The following GPC6 variants were observed in gnomAD, a reference collection of about 807,000 sequenced individuals.
The protein encoded by GPC6 is glypican-6.
GPC6 carries 14 observed loss-of-function variants against 55.2 expected under a neutral mutation model. The observed-to-expected ratio is 0.25, with a 90% CI of 0.17 to 0.40. The LOEUF (loss-of-function observed/expected upper bound fraction) is 0.40, where lower values mean the gene tolerates loss of function less well. Among genes scored for constraint, GPC6 ranks in the 10% least tolerant of loss-of-function variants. The probability of loss-of-function intolerance (pLI) is 1.00; values close to 1 mark genes in which losing one functional copy is unlikely to be tolerated. For missense variants in GPC6, 641 were observed against 708.5 expected (o/e 0.90, Z 1.08); for synonymous variants, 278 against 259.6 (o/e 1.07, Z -0.68).
chr13:94,104,419 A>G (rs1479306342), intron 4 of GPC6, among the ~76,000 whole-genome samples: 1 of 152,170 alleles, frequency 6.6e-6, no homozygotes, highest in Non-Finnish European at 1.5e-5. Context: ...CAAGACAGGG[A>G]TGCCCTCTCT....
intron 4 of GPC6, among the ~76,000 whole-genome samples, chr13:94,195,004 G>C (rs1188810403): frequency 6.6e-6 from 1 of 152,120 alleles, no homozygotes; most frequent in Non-Finnish European, 1.5e-5. Flanking sequence ...ATTATAGAAA[G>C]AAGTATCTAG....
chr13:93,739,770 TCTAGGTTCTAACA>T (rs1884137206), intron 2 of GPC6, among the ~76,000 whole-genome samples: 1 of 152,226 alleles, frequency 6.6e-6, no homozygotes, highest in South Asian at 2.1e-4. Context: ...CAGGCCCTTT[TCTAGGTTCTAACA>T]CTAGCGTAGG....
At chr13:94,299,913 T>A (rs1204520595) in intron 5 of GPC6, among the ~76,000 whole-genome samples, 1 of 152,192 alleles carries the variant, frequency 6.6e-6, no homozygotes, top group African/African-American at 2.4e-5. Context: ...ATATTTGAAT[T>A]TCCCAAGTAG....
At chr13:93,940,368 G>C (rs548694284) in intron 3 of GPC6, among the ~76,000 whole-genome samples, 1 of 151,706 alleles carries the variant, frequency 6.6e-6, no homozygotes, top group Admixed American at 6.6e-5. Flanking sequence ...GATCTAGTGT[G>C]GCAGAAAGGA....
intron 1 of GPC6, among the ~76,000 whole-genome samples, chr13:93,502,207 C>T (rs1416182837): frequency 2.6e-5 from 4 of 151,322 alleles, no homozygotes; most frequent in African/African-American, 9.7e-5. Flanking sequence ...AAACACAAAA[C>T]AGGACAAAAA....
intron 2 of GPC6, among the ~76,000 whole-genome samples, chr13:93,591,254 GA>G (rs1372329269): frequency 1.3e-5 from 2 of 151,866 alleles, no homozygotes; most frequent in Non-Finnish European, 2.9e-5. Flanking sequence ...ATGAGGTCAG[GA>G]TATCGAGCCC....
At chr13:94,087,014 G>C (rs1325154556) in intron 4 of GPC6, among the ~76,000 whole-genome samples, 1 of 152,104 alleles carries the variant, frequency 6.6e-6, no homozygotes, top group Non-Finnish European at 1.5e-5. Context: ...TGGAAAATTA[G>C]AGAAACTATG....
intron 1 of GPC6, among the ~76,000 whole-genome samples, chr13:93,428,877 A>C (rs1277328498): frequency 1.3e-5 from 2 of 152,178 alleles, no homozygotes. Context: ...CATTTTGGAA[A>C]TCACACATTT....
chr13:93,664,615 T>TTTTGTTTG (rs59186070), intron 2 of GPC6, among the ~76,000 whole-genome samples: 27 of 151,282 alleles, frequency 1.8e-4, no homozygotes, highest in Admixed American at 4.0e-4. Context: ...CACAAGCCAA[T>TTTTGTTTG]TTTGTTTGTT....
chr13:94,299,096 A>T (rs1875503065), intron 5 of GPC6, among the ~76,000 whole-genome samples: 1 of 152,238 alleles, frequency 6.6e-6, no homozygotes, highest in Non-Finnish European at 1.5e-5. Context: ...ACTCCTACAG[A>T]TACTGGGATA....
chr13:93,910,443 C>T (rs1207056717), intron 3 of GPC6, among the ~76,000 whole-genome samples: 2 of 151,886 alleles, frequency 1.3e-5, no homozygotes, highest in Non-Finnish European at 2.9e-5. Context: ...AGCATGAGAA[C>T]TAATACAATG....
chr13:93,798,934 A>C, intron 2 of GPC6, among the ~76,000 whole-genome samples: 1 of 151,944 alleles, frequency 6.6e-6, no homozygotes, highest in South Asian at 2.1e-4. Context: ...AAAAAAAAAA[A>C]AAATGGTGAC....
intron 1 of GPC6, among the ~76,000 whole-genome samples, chr13:93,380,418 G>A (rs1275926997): frequency 3.3e-5 from 5 of 152,136 alleles, no homozygotes; most frequent in East Asian, 1.9e-4. Flanking sequence ...GAATTGGTAA[G>A]GTCATATAAA....
intron 4 of GPC6, among the ~76,000 whole-genome samples, chr13:94,035,621 A>G (rs1883307519): frequency 6.6e-6 from 1 of 152,092 alleles, no homozygotes; most frequent in Non-Finnish European, 1.5e-5. Flanking sequence ...CATTTCGATT[A>G]CTTTAAAAGT....
intron 4 of GPC6, among the ~76,000 whole-genome samples, chr13:94,082,622 G>GC (rs1885139765): frequency 6.6e-6 from 1 of 152,082 alleles, no homozygotes; most frequent in Non-Finnish European, 1.5e-5. Context: ...CATTCCAGTG[G>GC]CCCTCAGTCA....
intron 1 of GPC6, among the ~76,000 whole-genome samples, chr13:93,262,399 T>G (rs1364690046): frequency 6.6e-6 from 1 of 152,194 alleles, no homozygotes; most frequent in Non-Finnish European, 1.5e-5. Context: ...TTAAATGTGA[T>G]GAAGGCCTAC....
chr13:94,392,560 G>GCTGGAATTAC (rs1282951386), intron 7 of GPC6, among the ~76,000 whole-genome samples: 1 of 151,750 alleles, frequency 6.6e-6, no homozygotes, highest in Non-Finnish European at 1.5e-5. Context: ...CTCCCAAGTA[G>GCTGGAATTAC]CTGGAATTAC....
At chr13:93,539,649 A>G (rs1387729755) in intron 1 of GPC6, among the ~76,000 whole-genome samples, 1 of 152,024 alleles carries the variant, frequency 6.6e-6, no homozygotes, top group Admixed American at 6.6e-5. Flanking sequence ...ATCTGTGATT[A>G]GTAAAGAAGT....
intron 6 of GPC6, among the ~76,000 whole-genome samples, chr13:94,367,384 G>A (rs66781047): frequency 0.064 from 9,762 of 152,272 alleles, 518 homozygotes; most frequent in East Asian, 0.24. Context: ...ATGTCAGACT[G>A]TGTCATCTCT....
Sources: gnomAD v4.1 joint callset for allele counts (sites outside exome capture counted in the v4.1 genomes callset) on GRCh38, gnomAD v4.1.1 for gene constraint, MANE v1.5 for transcripts, NCBI Gene and HGNC (gene_info 2026-07-23, HGNC 2026-07-21) for gene names.